Variants in OXR1 observed in about 807,000 individuals in gnomAD.
OXR1 encodes the protein oxidation resistance protein 1.
In OXR1, 41 loss-of-function variants were observed where a neutral mutation model predicts 104.6. The ratio of observed to expected loss-of-function variants is 0.39; its 90% CI spans 0.31 to 0.51. OXR1 has a LOEUF of 0.51. OXR1 is among the 20% of genes least tolerant of loss of function. The pLI is 0.77. For synonymous variants in OXR1, 348 were observed against 348.4 expected (o/e 1.00, Z 0.01); for missense variants, 955 against 1,031.9 (o/e 0.93, Z 1.02).
chr8:106,406,859 C>T (rs1818258735), intron 2 of OXR1, among the ~76,000 whole-genome samples: 1 of 152,128 alleles, frequency 6.6e-6, no homozygotes, highest in Admixed American at 6.6e-5. Flanking sequence ...GTGATAATAG[C>T]ACGTCCATAT....
rs1469756363 is a variant in OXR1, at chr8:106,700,489, T to TA, written c.676-2416dup. Reference sequence around the variant, plus strand: ...CAGAGGGAAAGAAACTTAAAGAATATATCAGTGTGTCTTTTTAGTAATAGC... The same window carrying TA: ...CAGAGGGAAAGAAACTTAAAGAATATAATCAGTGTGTCTTTTTAGTAATAGC... On this transcript the variant is annotated intron_variant, in intron 7 of 16. Transcript: ENST00000517566. 2.0e-5 allele frequency among the ~76,000 whole-genome samples: 3 copies of TA among 152,274 alleles called. No homozygotes were observed. In the East Asian group the frequency reaches 5.8e-4, roughly 29 times the overall value.
At chr8:106,739,357 C>T (rs1587300999) in intron 12 of OXR1, 101 bp from the exon 13 acceptor site, 2 of 1,061,960 alleles carry the variant, frequency 1.9e-6, no homozygotes, top group Non-Finnish European at 2.8e-6. Flanking sequence ...GATTTAGCCA[C>T]ATTTTCTACG....
intron 1 of OXR1, among the ~76,000 whole-genome samples, chr8:106,293,654 C>T (rs1001567030): frequency 6.6e-6 from 1 of 152,136 alleles, no homozygotes; most frequent in Admixed American, 6.5e-5. Flanking sequence ...CTGGAAAGTC[C>T]AAGATCAAGG....
At chr8:106,619,912 C>T (rs932479546) in intron 3 of OXR1, among the ~76,000 whole-genome samples, 1 of 152,118 alleles carries the variant, frequency 6.6e-6, no homozygotes, top group Admixed American at 6.6e-5. Flanking sequence ...TCTCCTTTCC[C>T]CTTGCTGCTT....
chr8:106,515,752 T>C (rs1812817536), intron 2 of OXR1, among the ~76,000 whole-genome samples: 1 of 152,130 alleles, frequency 6.6e-6, no homozygotes, highest in Non-Finnish European at 1.5e-5. Context: ...ACACCTAAGA[T>C]AAGAATGGTG....
At chr8:106,587,427 C>T (rs1026821407) in intron 3 of OXR1, among the ~76,000 whole-genome samples, 16 of 152,174 alleles carry the variant, frequency 1.1e-4, no homozygotes, top group African/African-American at 3.9e-4. Context: ...CTACAAAGAT[C>T]AGGCAGCACT....
At chr8:106,505,991 G>T (rs903409449) in intron 2 of OXR1, among the ~76,000 whole-genome samples, 1 of 152,186 alleles carries the variant, frequency 6.6e-6, no homozygotes, top group Admixed American at 6.5e-5. Context: ...GGTAACAGTC[G>T]AGAGAAATGA....
At chr8:106,488,323 G>A (rs1810834365) in intron 2 of OXR1, among the ~76,000 whole-genome samples, 2 of 134,464 alleles carry the variant, frequency 1.5e-5, no homozygotes, top group South Asian at 5.3e-4. Flanking sequence ...CTGGATATTA[G>A]CCCTTTGTCA....
chr8:106,393,065 C>G (rs534871147), intron 2 of OXR1, among the ~76,000 whole-genome samples: 17 of 152,164 alleles, frequency 1.1e-4, no homozygotes, highest in Non-Finnish European at 2.5e-4. Flanking sequence ...GTTTTCCTTT[C>G]TGAGTCACAG....
At chr8:106,586,947 G>T (rs1818676912) in intron 3 of OXR1, among the ~76,000 whole-genome samples, 1 of 152,198 alleles carries the variant, frequency 6.6e-6, no homozygotes, top group African/African-American at 2.4e-5. Flanking sequence ...AGACGATTTA[G>T]AAATGGTAAT....
In OXR1 at chr8:106,423,288, C is replaced by T. The variant is rs142838238; in HGVS notation, c.23+63652C>T. ...ATATAGATTATCTCCAAAGTGCACA[C>T]GATGGATACCCTCAGATGAAATATT... On this transcript the variant is annotated intron_variant, in intron 2 of 16. Transcript: ENST00000517566. Among the ~76,000 whole-genome samples, 1,062 of 152,266 alleles carry T rather than the reference C, an allele frequency of 7.0e-3. 9 individuals are homozygous for T. Among genetic ancestry groups the T allele is most frequent in the Non-Finnish European group, 0.011 (779 of 68,020 alleles).
chr8:106,750,500 T>C (rs577474777), intron 16 of OXR1, among the ~76,000 whole-genome samples: 4 of 152,118 alleles, frequency 2.6e-5, no homozygotes, highest in African/African-American at 9.6e-5. Context: ...TAATTTTTTT[T>C]GTATTTTTTA....
chr8:106,687,816 GT>G (rs1409029030), intron 6 of OXR1, among the ~76,000 whole-genome samples: 1 of 152,090 alleles, frequency 6.6e-6, no homozygotes, highest in Non-Finnish European at 1.5e-5. Context: ...AGGAAGAGAA[GT>G]TAATTATTTT....
intron 3 of OXR1, among the ~76,000 whole-genome samples, chr8:106,549,081 C>T (rs1013452373): frequency 6.6e-6 from 1 of 151,722 alleles, no homozygotes; most frequent in African/African-American, 2.4e-5. Flanking sequence ...GAAAAAAAAA[C>T]AAAACCAGTG....
chr8:106,449,415 C>T (rs1820193195), intron 2 of OXR1, among the ~76,000 whole-genome samples: 1 of 152,194 alleles, frequency 6.6e-6, no homozygotes, highest in Non-Finnish European at 1.5e-5. Context: ...GTCCCAGATA[C>T]AACACCACTT....
intron 3 of OXR1, among the ~76,000 whole-genome samples, chr8:106,675,771 T>C (rs956366509): frequency 6.6e-6 from 1 of 152,152 alleles, no homozygotes; most frequent in African/African-American, 2.4e-5. Context: ...ATTCTGTTGT[T>C]TTTGGGTGGA....
intron 3 of OXR1, among the ~76,000 whole-genome samples, chr8:106,541,160 C>T (rs1814924822): frequency 6.6e-6 from 1 of 152,076 alleles, no homozygotes; most frequent in African/African-American, 2.4e-5. Context: ...TTAGGATATC[C>T]TTTAAAATAT....
chr8:106,476,074 G>A (rs1045806151), intron 2 of OXR1, among the ~76,000 whole-genome samples: 1 of 148,128 alleles, frequency 6.8e-6, no homozygotes, highest in Admixed American at 6.6e-5. Flanking sequence ...CAGTCCTTCC[G>A]GATTTTCTTG....
At chr8:106,314,687 G>A (rs2130148100) in intron 1 of OXR1, among the ~76,000 whole-genome samples, 1 of 152,306 alleles carries the variant, frequency 6.6e-6, no homozygotes, top group African/African-American at 2.4e-5. Context: ...TGGTAACGTA[G>A]TGAAGCAGGT....
Sources: gnomAD v4.1 joint callset for allele counts (sites outside exome capture counted in the v4.1 genomes callset) on GRCh38, gnomAD v4.1.1 for gene constraint, MANE v1.5 for transcripts, NCBI Gene and HGNC (gene_info 2026-07-23, HGNC 2026-07-21) for gene names.